KCNT2: variants seen among roughly 807,000 people sequenced by gnomAD.
KCNT2 encodes potassium sodium-activated channel subfamily T member 2.
KCNT2 carries 67 observed loss-of-function variants against 153.8 expected under a neutral mutation model. That is an observed-to-expected ratio of 0.44 (90% CI 0.36 to 0.53). The LOEUF is 0.53. KCNT2 is among the 20% of genes least tolerant of loss of function. The pLI, the probability that KCNT2 is intolerant of heterozygous loss-of-function variation, is 0.00. For missense variants in KCNT2, 975 were observed against 1,354.8 expected, an observed-to-expected ratio of 0.72 and a Z score of 4.40; for synonymous variants, 500 against 458.8, an observed-to-expected ratio of 1.09 and a Z score of -1.15.
chr1:196,476,469 A>C (rs1309816678), intron 5 of KCNT2, among the ~76,000 whole-genome samples: 1 of 152,180 alleles, frequency 6.6e-6, no homozygotes, highest in African/African-American at 2.4e-5. Context: ...ACAAGGAGAT[A>C]TACTAATACA....
chr1:196,576,037 G>A (rs1661337759), intron 1 of KCNT2, among the ~76,000 whole-genome samples: 1 of 149,090 alleles, frequency 6.7e-6, no homozygotes, highest in South Asian at 2.1e-4. Context: ...CTAATCTAAT[G>A]ACTATTTATA....
intron 1 of KCNT2, among the ~76,000 whole-genome samples, chr1:196,536,768 T>G (rs1003759066): frequency 2.0e-5 from 3 of 152,124 alleles, no homozygotes; most frequent in Non-Finnish European, 4.4e-5. Context: ...TGTCACACTC[T>G]CACTAACCTG....
intron 1 of KCNT2, among the ~76,000 whole-genome samples, chr1:196,523,773 C>A (rs181650574): frequency 6.6e-6 from 1 of 152,110 alleles, no homozygotes; most frequent in Non-Finnish European, 1.5e-5. Context: ...TGAAAATAAG[C>A]GATTCAAATT....
chr1:196,387,516 T>A (rs1265307929), intron 13 of KCNT2, among the ~76,000 whole-genome samples: 1 of 151,960 alleles, frequency 6.6e-6, no homozygotes, highest in Non-Finnish European at 1.5e-5. Flanking sequence ...TCTAAGCACT[T>A]TCTTGCTCAA....
intron 1 of KCNT2, among the ~76,000 whole-genome samples, chr1:196,549,974 C>T (rs1657673004): frequency 6.6e-6 from 1 of 151,810 alleles, no homozygotes; most frequent in Non-Finnish European, 1.5e-5. Flanking sequence ...GATGAGAAGG[C>T]CCCAAAGACA....
chr1:196,576,655 A>G (rs1661417457), intron 1 of KCNT2, among the ~76,000 whole-genome samples: 1 of 152,144 alleles, frequency 6.6e-6, no homozygotes, highest in Non-Finnish European at 1.5e-5. Flanking sequence ...AATATCTAGT[A>G]TCATTTCTTC....
Position 196,225,904 on chromosome 1 carries a change from A to G in KCNT2, c.*2320T>C, listed in dbSNP as rs1653457039. 1 of 152,110 alleles carries G rather than the reference A, an allele frequency of 6.6e-6. No individual in the cohort carries two copies. The highest frequency in any genetic ancestry group is 6.6e-5 in the Admixed American group (1 of 15,262). The allele number at this position is 152,110 out of a possible 1,614,324, so 9.4% of individuals were successfully genotyped here. A position where few individuals can be genotyped will look rare whatever the true frequency, so the allele number is the denominator to read the frequency against. ...CTACAAGGACTATTATTGACTTTAT[A>G]TTTTATTTTCATGTGCAAGTATAAT... On this transcript the variant is annotated 3_prime_UTR_variant, in exon 28 of 28. Coordinates refer to ENST00000294725, the MANE Select transcript of KCNT2 (RefSeq NM_198503.5).
chr1:196,304,500 C>T (rs796508721), intron 22 of KCNT2, among the ~76,000 whole-genome samples: 21 of 152,038 alleles, frequency 1.4e-4, no homozygotes, highest in African/African-American at 3.4e-4. Context: ...ATTATAGGCA[C>T]GAGCCGCCAC....
chr1:196,445,439 G>T (rs1294911008), intron 8 of KCNT2, among the ~76,000 whole-genome samples: 2 of 151,246 alleles, frequency 1.3e-5, no homozygotes, highest in East Asian at 3.9e-4. Flanking sequence ...TATCAGAAAT[G>T]GTCCAAATGT....
intron 13 of KCNT2, among the ~76,000 whole-genome samples, chr1:196,385,025 A>T (rs913752728): frequency 6.6e-6 from 1 of 152,116 alleles, no homozygotes; most frequent in Non-Finnish European, 1.5e-5. Context: ...ACATATAAAA[A>T]AGATTGAAAT....
intron 1 of KCNT2, among the ~76,000 whole-genome samples, chr1:196,513,962 G>C (rs1681847090): frequency 6.6e-6 from 1 of 152,148 alleles, no homozygotes; most frequent in Non-Finnish European, 1.5e-5. Context: ...TTAGTGCTTT[G>C]CAAGAATAAT....
At chr1:196,579,410 T>G (rs569876194) in intron 1 of KCNT2, among the ~76,000 whole-genome samples, 1 of 151,980 alleles carries the variant, frequency 6.6e-6, no homozygotes, top group African/African-American at 2.4e-5. Context: ...ATAATCTGTA[T>G]GGCAAACTCC....
At chr1:196,286,038 CAAAT>C (rs373293175) in intron 22 of KCNT2, among the ~76,000 whole-genome samples, 4 of 150,840 alleles carry the variant, frequency 2.7e-5, no homozygotes, top group African/African-American at 9.8e-5. Context: ...ATAATGGAAA[CAAAT>C]AAAAATCATT....
rs558420409 is a variant in KCNT2, at chr1:196,241,043, G to GGA, written c.3212-4975_3212-4974dup. Among the ~76,000 whole-genome samples, 18 of 151,494 alleles carry GGA rather than the reference G, an allele frequency of 1.2e-4. 1 individual carries two copies. The South Asian group carries it at 2.7e-3, about 23-fold the overall frequency. ...AGAAATGATGTGGAAGACAGAAATA[G>GGA]GAGAGAGAGAGAGAAAGGAAGACAG... On this transcript the variant is annotated intron_variant, in intron 26 of 27. Coordinates refer to ENST00000294725, the MANE Select transcript of KCNT2 (RefSeq NM_198503.5).
chr1:196,352,132 T>C (rs941931472), intron 14 of KCNT2, among the ~76,000 whole-genome samples: 1 of 152,082 alleles, frequency 6.6e-6, no homozygotes, highest in Non-Finnish European at 1.5e-5. Context: ...GATTTTTGCA[T>C]CAATGTTCAT....
chr1:196,479,345 A>G, intron 4 of KCNT2, 107 bp from the exon 5 acceptor site: 2 of 649,938 alleles, frequency 3.1e-6, no homozygotes, highest in Non-Finnish European at 5.4e-6. Flanking sequence ...GTATACATAT[A>G]TGGGTGTATA....
intron 1 of KCNT2, among the ~76,000 whole-genome samples, chr1:196,503,366 A>T (rs1017743375): frequency 1.3e-5 from 2 of 152,196 alleles, no homozygotes; most frequent in African/African-American, 4.8e-5. Flanking sequence ...TGTTCATCAC[A>T]AAACTATTTA....
At chr1:196,298,119 A>C (rs1212427344) in intron 22 of KCNT2, among the ~76,000 whole-genome samples, 1 of 152,320 alleles carries the variant, frequency 6.6e-6, no homozygotes, top group East Asian at 1.9e-4. Context: ...CACTGACTAT[A>C]AAAGTAATAT....
chr1:196,234,254 A>G (rs562051621), intron 27 of KCNT2, among the ~76,000 whole-genome samples: 22 of 151,198 alleles, frequency 1.5e-4, no homozygotes, highest in African/African-American at 5.3e-4. Flanking sequence ...CTGGACCCAC[A>G]TATCATCTCT....
Sources: gnomAD v4.1 joint callset for allele counts (sites outside exome capture counted in the v4.1 genomes callset) on GRCh38, gnomAD v4.1.1 for gene constraint, MANE v1.5 for transcripts, NCBI Gene and HGNC (gene_info 2026-07-23, HGNC 2026-07-21) for gene names.